Variants in MAP3K5 observed in about 807,000 individuals in gnomAD.
The protein encoded by MAP3K5 is mitogen-activated protein kinase kinase kinase 5, also known as ASK-1.
MAP3K5 carries 56 observed loss-of-function variants against 158.7 expected under a neutral mutation model. That is an observed-to-expected ratio of 0.35 (90% CI 0.28 to 0.44). MAP3K5 has a LOEUF of 0.44. Among genes scored for constraint, MAP3K5 ranks in the 20% least tolerant of loss-of-function variants. The probability of loss-of-function intolerance (pLI) is 1.00; values close to 1 mark genes in which losing one functional copy is unlikely to be tolerated. For missense variants in MAP3K5, 1,294 were observed against 1,674.8 expected (o/e 0.77, Z 3.97); for synonymous variants, 579 against 601.7 (o/e 0.96, Z 0.55).
intron 18 of MAP3K5, among the ~76,000 whole-genome samples, chr6:136,606,207 C>T (rs571230840): frequency 1.8e-4 from 27 of 152,136 alleles, no homozygotes; most frequent in African/African-American, 4.3e-4. Context: ...AAAAATTAGC[C>T]GGGCTTGGTG....
intron 7 of MAP3K5, among the ~76,000 whole-genome samples, chr6:136,669,948 C>G (rs956441589): frequency 1.6e-4 from 24 of 151,194 alleles, no homozygotes; most frequent in African/African-American, 5.8e-4. Flanking sequence ...ATGAGAACCC[C>G]GCACATATTT....
chr6:136,600,915 C>T (rs1775844567), intron 21 of MAP3K5, 107 bp downstream of exon 21: 3 of 1,169,060 alleles, frequency 2.6e-6, no homozygotes, highest in East Asian at 2.4e-5. Context: ...CTCCTTTCCC[C>T]CCATGTAAGC....
chr6:136,763,551 C>T (rs904909449), intron 1 of MAP3K5, among the ~76,000 whole-genome samples: 1 of 152,176 alleles, frequency 6.6e-6, no homozygotes, highest in African/African-American at 2.4e-5. Flanking sequence ...AAAGTTTTCA[C>T]GCAAAGCTTA....
chr6:136,582,020 T>A (rs1364349899), intron 24 of MAP3K5, among the ~76,000 whole-genome samples: 1 of 151,850 alleles, frequency 6.6e-6, no homozygotes, highest in East Asian at 1.9e-4. Context: ...GAGGCAGAGG[T>A]TGCAGTGACC....
chr6:136,670,035 A>G (rs1254451144), intron 7 of MAP3K5, among the ~76,000 whole-genome samples: 1 of 152,138 alleles, frequency 6.6e-6, no homozygotes, highest in Non-Finnish European at 1.5e-5. Context: ...GATCAATTCC[A>G]TAAGAATGAT....
intron 21 of MAP3K5, among the ~76,000 whole-genome samples, chr6:136,600,259 C>T (rs902007829): frequency 1.8e-4 from 27 of 149,052 alleles, no homozygotes; most frequent in African/African-American, 6.2e-4. Flanking sequence ...GGTATAATCA[C>T]GGCTCACTAC....
chr6:136,669,335 G>A lies in MAP3K5; in HGVS notation c.1314C>T (p.Leu438=), dbSNP rs768463049. The A allele has an allele frequency of 1.9e-6, 3 of 1,613,946 alleles. No homozygotes were observed. In the Admixed American group the frequency reaches 5.0e-5, roughly 27 times the overall value. The part of the protein sequence containing the change: ...TLQSGINYAV[L]LLAAGHQFES... ...CAAACTGGTGTCCAGCTGCCAGGAG[G>A]AGGACCGCATAATTAATTCCTGACT... The change falls in exon 8 of 30, where the codon CTC becomes CTT. Residue 438 remains leucine, a synonymous_variant. Transcript: ENST00000359015.
chr6:136,749,672 G>C (rs796438337), intron 1 of MAP3K5, among the ~76,000 whole-genome samples: 3 of 152,100 alleles, frequency 2.0e-5, no homozygotes, highest in African/African-American at 7.2e-5. Context: ...CTTAAAATCT[G>C]TCATTTTTTT....
intron 1 of MAP3K5, among the ~76,000 whole-genome samples, chr6:136,728,418 GA>G (rs1193612986): frequency 6.6e-6 from 1 of 152,088 alleles, no homozygotes; most frequent in Non-Finnish European, 1.5e-5. Flanking sequence ...ATAACATCGG[GA>G]AACTGCAAAA....
At chr6:136,664,349 T>C (rs1383653296) in intron 8 of MAP3K5, among the ~76,000 whole-genome samples, 5 of 152,082 alleles carry the variant, frequency 3.3e-5, no homozygotes, top group Admixed American at 2.0e-4. Context: ...TTCTACATTA[T>C]GGAGAGTTGT....
At chr6:136,769,168 C>T (rs1784077037) in intron 1 of MAP3K5, among the ~76,000 whole-genome samples, 1 of 152,104 alleles carries the variant, frequency 6.6e-6, no homozygotes, top group African/African-American at 2.4e-5. Flanking sequence ...TAGTATTCAG[C>T]CAGAAAAGTG....
intron 3 of MAP3K5, among the ~76,000 whole-genome samples, chr6:136,700,820 A>C (rs1442289643): frequency 6.6e-6 from 1 of 152,220 alleles, no homozygotes; most frequent in Non-Finnish European, 1.5e-5. Context: ...AATCATAGAA[A>C]AAGGCAGAGG....
intron 7 of MAP3K5, among the ~76,000 whole-genome samples, chr6:136,676,793 CT>C (rs67161871): frequency 0.1 from 13,102 of 130,482 alleles, 728 homozygotes; most frequent in African/African-American, 0.27. Context: ...CTTTTCTTTT[CT>C]TTTTTTTTTT....
intron 4 of MAP3K5, among the ~76,000 whole-genome samples, chr6:136,698,224 A>C (rs140191164): frequency 6.6e-6 from 1 of 152,194 alleles, no homozygotes; most frequent in South Asian, 2.1e-4. Flanking sequence ...TTGTTTCTGT[A>C]CTTGCTTTGT....
At chr6:136,621,253 G>A (rs1025780527) in intron 15 of MAP3K5, among the ~76,000 whole-genome samples, 1 of 151,836 alleles carries the variant, frequency 6.6e-6, no homozygotes, top group Non-Finnish European at 1.5e-5. Flanking sequence ...TTCTATTACT[G>A]TTTTTGATCT....
chr6:136,611,107 CAAAAAAAAAAAAA>C (rs59508317), intron 18 of MAP3K5, among the ~76,000 whole-genome samples, 162 bp downstream of exon 18: 2 of 24,434 alleles, frequency 8.2e-5, no homozygotes, highest in African/African-American at 1.2e-4. Flanking sequence ...GACCCTGTCT[CAAAAAAAAAAAAA>C]AAAAAAAAAA....
At chr6:136,714,694 G>A (rs775498255) in intron 2 of MAP3K5, among the ~76,000 whole-genome samples, 12 of 152,026 alleles carry the variant, frequency 7.9e-5, no homozygotes, top group African/African-American at 9.7e-5. Flanking sequence ...TCAAGATCCC[G>A]CTTTCAGTTC....
intron 8 of MAP3K5, among the ~76,000 whole-genome samples, chr6:136,668,756 A>G (rs778543654): frequency 6.6e-6 from 1 of 152,202 alleles, no homozygotes; most frequent in Non-Finnish European, 1.5e-5. Context: ...GATGGCTATG[A>G]TTCAGAGATG....
chr6:136,592,744 G>T, intron 21 of MAP3K5, 130 bp from the exon 22 acceptor site: 1 of 830,614 alleles, frequency 1.2e-6, no homozygotes, highest in Non-Finnish European at 2.0e-6. Context: ...ATTATGCTAT[G>T]TAAGGGAACG....
Sources: gnomAD v4.1 joint callset for allele counts (sites outside exome capture counted in the v4.1 genomes callset) on GRCh38, gnomAD v4.1.1 for gene constraint, MANE v1.5 for transcripts, NCBI Gene and HGNC (gene_info 2026-07-23, HGNC 2026-07-21) for gene names.